Variants in PSIP1 observed in about 807,000 individuals in gnomAD.
The protein encoded by PSIP1 is PC4 and SRSF1 interacting protein 1.
Under a neutral mutation model 74.7 loss-of-function variants are expected in PSIP1, and 19 were observed. The ratio of observed to expected loss-of-function variants is 0.25; its 90% CI spans 0.18 to 0.37. The LOEUF (loss-of-function observed/expected upper bound fraction) is 0.37, where lower values mean the gene tolerates loss of function less well. Among genes scored for constraint, PSIP1 ranks in the 10% least tolerant of loss-of-function variants. PSIP1 has a pLI of 1.00. For missense variants in PSIP1, 601 were observed against 614.3 expected, an observed-to-expected ratio of 0.98 and a Z score of 0.23; for synonymous variants, 222 against 195.3, an observed-to-expected ratio of 1.14 and a Z score of -1.14.
chr9:15,502,424 A>T (rs971897741), intron 3 of PSIP1, among the ~76,000 whole-genome samples: 2 of 152,156 alleles, frequency 1.3e-5, no homozygotes, highest in Non-Finnish European at 2.9e-5. Context: ...AAACCAACAT[A>T]GAGTAAGCGC....
chr9:15,501,858 T>TATATATATATATATAA, intron 3 of PSIP1, among the ~76,000 whole-genome samples: 1 of 147,640 alleles, frequency 6.8e-6, no homozygotes, highest in African/African-American at 2.6e-5. Flanking sequence ...TATATATATA[T>TATATATATATATATAA]ATATATATAA....
intron 3 of PSIP1, chr9:15,505,361 C>T (rs1359088215): frequency 6.6e-6 from 1 of 152,164 alleles, no homozygotes; most frequent in Non-Finnish European, 1.5e-5. Flanking sequence ...CTTTTGTCCT[C>T]TATTAAATTT....
chr9:15,494,426 G>A (rs779429627), intron 3 of PSIP1, among the ~76,000 whole-genome samples: 55 of 151,960 alleles, frequency 3.6e-4, no homozygotes, highest in Middle Eastern at 3.4e-3. Context: ...TTAGCCAGGC[G>A]TGGTGGCACA....
At chr9:15,500,047 C>T (rs1055550989) in intron 3 of PSIP1, among the ~76,000 whole-genome samples, 1 of 152,014 alleles carries the variant, frequency 6.6e-6, no homozygotes, top group Non-Finnish European at 1.5e-5. Flanking sequence ...TACTAAATCA[C>T]AAAATATGAA....
intron 3 of PSIP1, among the ~76,000 whole-genome samples, chr9:15,495,169 G>A (rs117222143): frequency 0.013 from 2,022 of 152,148 alleles, 24 homozygotes; most frequent in Non-Finnish European, 0.019. Context: ...GGAACTTCAG[G>A]AGTAGGAAAA....
intron 3 of PSIP1, among the ~76,000 whole-genome samples, chr9:15,504,436 G>A (rs767793714): frequency 6.6e-6 from 1 of 152,166 alleles, no homozygotes; most frequent in Non-Finnish European, 1.5e-5. Context: ...AATGGACTGT[G>A]TATTCTGTAA....
intron 6 of PSIP1, among the ~76,000 whole-genome samples, chr9:15,484,551 C>T (rs935273842): frequency 4.0e-5 from 6 of 151,808 alleles, no homozygotes; most frequent in Non-Finnish European, 8.8e-5. Context: ...ATGGTAAAAC[C>T]TCATCTCTCC....
intron 2 of PSIP1, among the ~76,000 whole-genome samples, chr9:15,506,894 T>A (rs377403720): frequency 1.1e-4 from 17 of 152,348 alleles, no homozygotes; most frequent in African/African-American, 4.1e-4. Context: ...GTTTCCACTG[T>A]TGTTTCTTTG....
chr9:15,487,023 G>C (rs1188307134), intron 4 of PSIP1, 92 bp from the exon 5 acceptor site: 17 of 772,738 alleles, frequency 2.2e-5, no homozygotes, highest in Non-Finnish European at 2.9e-5. Context: ...TTTAGAGACA[G>C]GGTCTCACTC....
At chr9:15,493,951 A>T in intron 3 of PSIP1, among the ~76,000 whole-genome samples, 1 of 152,170 alleles carries the variant, frequency 6.6e-6, no homozygotes, top group Non-Finnish European at 1.5e-5. Flanking sequence ...ATTATCCAGG[A>T]TGGACCCTGT....
At chr9:15,479,513 AT>A (rs2036243276) in intron 7 of PSIP1, 77 bp downstream of exon 7, 3 of 1,138,842 alleles carry the variant, frequency 2.6e-6, no homozygotes, top group Non-Finnish European at 3.7e-6. Flanking sequence ...ATTCCAAAAT[AT>A]TTGAGGCAGC....
intron 3 of PSIP1, among the ~76,000 whole-genome samples, chr9:15,498,611 T>C (rs1361649577): frequency 6.6e-6 from 1 of 152,178 alleles, no homozygotes; most frequent in African/African-American, 2.4e-5. Context: ...GGGTACAACC[T>C]TGTGCAGCTG....
Position 15,472,727 on chromosome 9 carries a change from A to G in PSIP1, c.882T>C (p.Phe294=), listed in dbSNP as rs1297969374. Residue 294 remains phenylalanine, a synonymous_variant, in exon 10 of 16, where the codon TTT becomes TTC. Transcript: ENST00000380733. ...GEKKRKGGRN[F]QTAHRRNMLK... ...GCATATTCCTTCTGTGAGCAGTCTG[A>G]AAGTTCCTCCCACCTTTTCTCTTCT... 2 of 1,605,096 alleles carry G rather than the reference A, an allele frequency of 1.2e-6. No individual in the cohort carries two copies.
At chr9:15,469,754 G>T (rs2035755782) in intron 11 of PSIP1, among the ~76,000 whole-genome samples, 184 bp downstream of exon 11, 1 of 152,072 alleles carries the variant, frequency 6.6e-6, no homozygotes, top group Admixed American at 6.6e-5. Context: ...AACAACTCAA[G>T]CAAGTTCACT....
intron 2 of PSIP1, among the ~76,000 whole-genome samples, chr9:15,509,687 A>G (rs1237940420): frequency 6.6e-6 from 1 of 152,248 alleles, no homozygotes; most frequent in African/African-American, 2.4e-5. Flanking sequence ...AATCCAATTT[A>G]ATCACATACG....
At chr9:15,479,434 C>A (rs1368584358) in intron 7 of PSIP1, among the ~76,000 whole-genome samples, 157 bp downstream of exon 7, 1 of 152,106 alleles carries the variant, frequency 6.6e-6, no homozygotes, top group Non-Finnish European at 1.5e-5. Context: ...TACTTTGAAA[C>A]AGAGCACAAA....
Position 15,465,392 on chromosome 9 carries a change from T to A in PSIP1, c.*128A>T, listed in dbSNP as rs898593681. On this transcript the variant is annotated 3_prime_UTR_variant, in exon 16 of 16. Transcript: ENST00000380733. ...TTACTTTACTTTAAAACAAAGGGATTTTCTCCCTCAAAACAAGTTTTCAAC... is the reference window on the plus strand; with the variant it reads ...TTACTTTACTTTAAAACAAAGGGATATTCTCCCTCAAAACAAGTTTTCAAC... 3.1e-5 allele frequency: 24 copies of A among 777,958 alleles called. No individual in the cohort carries two copies. Among genetic ancestry groups the A allele is most frequent in the South Asian group, 2.1e-4 (12 of 57,594 alleles). 48.2% of individuals were successfully genotyped at this position (777,958 alleles called of 1,614,324 possible). A position where few individuals can be genotyped will look rare whatever the true frequency, so the allele number is the denominator to read the frequency against.
At chr9:15,492,140 A>G (rs1464054207) in intron 3 of PSIP1, 3 of 152,198 alleles carry the variant, frequency 2.0e-5, no homozygotes, top group African/African-American at 7.2e-5. Context: ...CCCATCCCCC[A>G]AAGTCTTAAC....
chr9:15,479,766 G>C, intron 6 of PSIP1, 79 bp from the exon 7 acceptor site: 1 of 1,085,144 alleles, frequency 9.2e-7, no homozygotes, highest in Non-Finnish European at 1.4e-6. Context: ...AAATATGCCA[G>C]TCTATGGTAA....
Sources: allele counts gnomAD v4.1 joint callset (sites outside exome capture counted in the v4.1 genomes callset), GRCh38; gene constraint gnomAD v4.1.1; transcripts MANE v1.5; gene names NCBI Gene and HGNC (gene_info 2026-07-23, HGNC 2026-07-21).